Variants in SUZ12 observed in about 807,000 individuals in gnomAD.
The protein encoded by SUZ12 is polycomb protein SUZ12.
In SUZ12, 17 loss-of-function variants were observed where a neutral mutation model predicts 87.3. That is an observed-to-expected ratio of 0.19 (90% CI 0.13 to 0.29). SUZ12 has a LOEUF of 0.29. Ranked by LOEUF, SUZ12 falls within the 10% of genes least tolerant of loss-of-function variation. The pLI is 1.00. For synonymous variants in SUZ12, 253 were observed against 312.4 expected (o/e 0.81, Z 2.01); for missense variants, 526 against 912.2 (o/e 0.58, Z 5.45).
intron 4 of SUZ12, among the ~76,000 whole-genome samples, chr17:31,955,488 C>A (rs1907257792): frequency 1.3e-5 from 2 of 152,058 alleles, no homozygotes; most frequent in Admixed American, 1.3e-4. Flanking sequence ...GTGACTCATG[C>A]CTGTAGTCCC....
chr17:31,982,821 C>T (rs1909193200), intron 8 of SUZ12, among the ~76,000 whole-genome samples, 178 bp from the exon 9 acceptor site: 1 of 152,112 alleles, frequency 6.6e-6, no homozygotes, highest in East Asian at 1.9e-4. Flanking sequence ...TTTTAGTGTA[C>T]ATCATTAAAA....
At chr17:31,943,881 A>G (rs1464891186) in intron 3 of SUZ12, among the ~76,000 whole-genome samples, 4 of 151,752 alleles carry the variant, frequency 2.6e-5, no homozygotes, top group Non-Finnish European at 4.4e-5. Context: ...TATTTTTAGT[A>G]GAGACAGGGT....
chr17:31,967,304 A>G (rs1391319471), intron 5 of SUZ12: 1 of 152,120 alleles, frequency 6.6e-6, no homozygotes, highest in East Asian at 1.9e-4. Context: ...TATTAGAAAC[A>G]TGCCAGGTTG....
intron 9 of SUZ12, among the ~76,000 whole-genome samples, chr17:31,983,414 T>C (rs1909227359): frequency 6.6e-6 from 1 of 151,766 alleles, no homozygotes; most frequent in Non-Finnish European, 1.5e-5. Flanking sequence ...TAGCTGTGAT[T>C]CTGTGATTCT....
chr17:31,938,012 A>G (rs190912073), intron 1 of SUZ12, among the ~76,000 whole-genome samples: 15,004 of 149,306 alleles, frequency 0.1, 959 homozygotes, highest in Middle Eastern at 0.15. Context: ...GCAGGTTCCT[A>G]TGGCACCTTT....
chr17:31,940,772 G>C (rs1906224414), intron 3 of SUZ12, among the ~76,000 whole-genome samples: 1 of 151,778 alleles, frequency 6.6e-6, no homozygotes, highest in African/African-American at 2.4e-5. Flanking sequence ...CAGCACTTTG[G>C]GAGGCCAAGT....
chr17:31,981,346 C>T (rs1234575868), intron 8 of SUZ12, among the ~76,000 whole-genome samples: 1 of 152,086 alleles, frequency 6.6e-6, no homozygotes, highest in African/African-American at 2.4e-5. Flanking sequence ...ACAATTAAAA[C>T]GACAAAACAT....
At chr17:31,949,487 ACTG>A (rs1906817417) in intron 4 of SUZ12, among the ~76,000 whole-genome samples, 1 of 151,956 alleles carries the variant, frequency 6.6e-6, no homozygotes, top group Admixed American at 6.6e-5. Flanking sequence ...TTTTAAATTT[ACTG>A]CTAAGACCCT....
intron 4 of SUZ12, among the ~76,000 whole-genome samples, chr17:31,964,459 T>C (rs1381591723): frequency 0.042 from 5,943 of 142,144 alleles, no homozygotes; most frequent in African/African-American, 0.16. Flanking sequence ...CAGGCTGGAG[T>C]GCAATGGCGC....
intron 5 of SUZ12, among the ~76,000 whole-genome samples, chr17:31,969,961 G>A (rs759361400): frequency 2.6e-5 from 4 of 151,990 alleles, no homozygotes; most frequent in Admixed American, 6.6e-5. Flanking sequence ...GTCTTGCTCT[G>A]TCACTCATGC....
chr17:31,954,868 A>G (rs1907211984), intron 4 of SUZ12, among the ~76,000 whole-genome samples: 1 of 152,340 alleles, frequency 6.6e-6, no homozygotes, highest in African/African-American at 2.4e-5. Context: ...AGAAAGAGCA[A>G]GTCTCCTTGA....
intron 10 of SUZ12, among the ~76,000 whole-genome samples, chr17:31,991,128 T>G (rs1467034459): frequency 6.6e-6 from 1 of 152,222 alleles, no homozygotes; most frequent in African/African-American, 2.4e-5. Flanking sequence ...ATCTGCCTGT[T>G]TAAAGAAGGC....
chr17:31,965,789 G>C (rs955683610), intron 4 of SUZ12: 2 of 169,944 alleles, frequency 1.2e-5, no homozygotes, highest in African/African-American at 4.7e-5. Context: ...TTTAAAGATA[G>C]GAAGGCATAC....
rs548872708 is a variant in SUZ12 at position 31,957,311 on chromosome 17, C to T, written c.456-8836C>T. 2.7e-3 allele frequency among the ~76,000 whole-genome samples: 405 copies of T among 151,906 alleles called. 2 individuals carry two copies. Among genetic ancestry groups the T allele is most frequent in the Non-Finnish European group, 4.4e-3 (299 of 67,962 alleles). ...CTGTAGTGCAGTGGTGTGATCTCTGCTCACTACAACCTCCACCTCCTGAGT... is the reference window on the plus strand; with the variant it reads ...CTGTAGTGCAGTGGTGTGATCTCTGTTCACTACAACCTCCACCTCCTGAGT... On this transcript the variant is annotated intron_variant, in intron 4 of 15. Coordinates refer to ENST00000322652, the MANE Select transcript of SUZ12 (RefSeq NM_015355.4).
chr17:31,940,603 G>A, intron 3 of SUZ12, 117 bp downstream of exon 3: 2 of 1,433,738 alleles, frequency 1.4e-6, no homozygotes, highest in South Asian at 3.0e-5. Context: ...TCTAACTAAA[G>A]ATTTAAGATG....
intron 15 of SUZ12, among the ~76,000 whole-genome samples, chr17:31,997,771 C>T (rs1013585104): frequency 6.6e-6 from 1 of 151,828 alleles, no homozygotes; most frequent in East Asian, 1.9e-4. Flanking sequence ...AATTTTCATG[C>T]CTTTTAGTGC....
chr17:31,939,336 A>G (rs975437242), intron 1 of SUZ12, among the ~76,000 whole-genome samples: 3 of 152,016 alleles, frequency 2.0e-5, no homozygotes, highest in African/African-American at 7.2e-5. Context: ...AGGCTGAGGC[A>G]GGAGGATCTG....
chr17:31,979,240 G>A (rs1262188853), intron 8 of SUZ12, among the ~76,000 whole-genome samples: 9 of 151,804 alleles, frequency 5.9e-5, no homozygotes, highest in Non-Finnish European at 1.3e-4. Flanking sequence ...TATTTATGAG[G>A]CTATATTTTA....
chr17:31,968,804 T>C (rs754539448), intron 5 of SUZ12, among the ~76,000 whole-genome samples: 9 of 152,212 alleles, frequency 5.9e-5, no homozygotes, highest in Non-Finnish European at 1.5e-5. Flanking sequence ...CATTAGCCCT[T>C]TGTTCTCAGG....
Sources: gnomAD v4.1 joint callset for allele counts (sites outside exome capture counted in the v4.1 genomes callset) on GRCh38, gnomAD v4.1.1 for gene constraint, MANE v1.5 for transcripts, NCBI Gene and HGNC (gene_info 2026-07-23, HGNC 2026-07-21) for gene names.